The following CFAP299 variants were observed in gnomAD, a reference collection of about 807,000 sequenced individuals.
The protein encoded by CFAP299 is cilia- and flagella-associated protein 299.
CFAP299 carries 21 observed loss-of-function variants against 27.0 expected under a neutral mutation model. The observed-to-expected ratio is 0.78, with a 90% confidence interval of 0.55 to 1.12. The LOEUF is 1.12. Ranked by LOEUF, CFAP299 falls within the 50% of genes most tolerant of loss-of-function variation. The pLI is 0.00. For synonymous variants in CFAP299, 104 were observed against 98.1 expected, an observed-to-expected ratio of 1.06 and a Z score of -0.36; for missense variants, 310 against 276.6, an observed-to-expected ratio of 1.12 and a Z score of -0.86.
chr4:80,760,675 A>G (rs971398338), intron 3 of CFAP299, among the ~76,000 whole-genome samples: 5 of 152,224 alleles, frequency 3.3e-5, no homozygotes, highest in African/African-American at 4.8e-5. Flanking sequence ...TGAAGATACA[A>G]TTCTAAACAA....
intron 3 of CFAP299, among the ~76,000 whole-genome samples, chr4:80,659,341 G>GA (rs529733252): frequency 3.2e-4 from 47 of 147,674 alleles, no homozygotes; most frequent in South Asian, 1.1e-3. Flanking sequence ...CAAAATCAAT[G>GA]AAAAAAAAAC....
intron 3 of CFAP299, among the ~76,000 whole-genome samples, chr4:80,829,586 A>T (rs980074657): frequency 2.0e-5 from 3 of 152,116 alleles, no homozygotes; most frequent in African/African-American, 7.2e-5. Context: ...TATGTAAGTA[A>T]TATAATTGAA....
chr4:80,610,007 T>C (rs1032116852), intron 3 of CFAP299, among the ~76,000 whole-genome samples: 1 of 152,102 alleles, frequency 6.6e-6, no homozygotes, highest in Non-Finnish European at 1.5e-5. Flanking sequence ...CCACAGGATG[T>C]TTTTAAAGAC....
chr4:80,408,593 C>G (rs1050575260), intron 2 of CFAP299, among the ~76,000 whole-genome samples: 3 of 151,158 alleles, frequency 2.0e-5, no homozygotes, highest in East Asian at 3.9e-4. Context: ...ATTTAAGGTG[C>G]CTTTGACAGT....
chr4:80,374,530 AG>A lies in CFAP299; in HGVS notation c.242+11647del, dbSNP rs530991699. 2.6e-3 allele frequency among the ~76,000 whole-genome samples: 393 copies of A among 152,264 alleles called. 4 individuals are homozygous for A. The highest frequency in any genetic ancestry group is 9.1e-3 in the African/African-American group (379 of 41,542). On this transcript the variant is annotated intron_variant, in intron 2 of 5. Transcript: ENST00000358105. ...AGTGGGCTACTTCTTCAGGCTCAGA[AG>A]ATTTAGAGATCTGGAAAGGTCAAAA...
intron 3 of CFAP299, among the ~76,000 whole-genome samples, chr4:80,689,869 CA>C (rs1055932042): frequency 2.8e-4 from 43 of 150,914 alleles, no homozygotes; most frequent in African/African-American, 1.0e-3. Context: ...AAATGGAAAA[CA>C]AAAAAAGGCA....
chr4:80,886,783 G>T (rs1462596189), intron 4 of CFAP299, among the ~76,000 whole-genome samples: 2 of 152,118 alleles, frequency 1.3e-5, no homozygotes, highest in Non-Finnish European at 2.9e-5. Flanking sequence ...CTTTCAGACA[G>T]ATAGTTCAAA....
At chr4:80,863,689 T>C (rs752328706) in intron 3 of CFAP299, among the ~76,000 whole-genome samples, 1 of 152,214 alleles carries the variant, frequency 6.6e-6, no homozygotes, top group Non-Finnish European at 1.5e-5. Context: ...TAGATCCGTA[T>C]TCATGGCTTC....
chr4:80,945,102 G>A, intron 5 of CFAP299, among the ~76,000 whole-genome samples, 163 bp downstream of exon 5: 1 of 152,296 alleles, frequency 6.6e-6, no homozygotes, highest in South Asian at 2.1e-4. Flanking sequence ...AAAAAACACT[G>A]CATAGCTTCA....
At chr4:80,628,566 GT>G (rs1174022389) in intron 3 of CFAP299, among the ~76,000 whole-genome samples, 1 of 152,044 alleles carries the variant, frequency 6.6e-6, no homozygotes, top group African/African-American at 2.4e-5. Flanking sequence ...GGAAGAAAAT[GT>G]TTGCAAACTG....
chr4:80,858,604 T>C (rs1209797302), intron 3 of CFAP299, among the ~76,000 whole-genome samples: 4 of 152,202 alleles, frequency 2.6e-5, no homozygotes, highest in Non-Finnish European at 5.9e-5. Flanking sequence ...TTCTGGTATG[T>C]TGTGTCTTTG....
At chr4:80,529,521 G>C (rs776704655) in intron 2 of CFAP299, among the ~76,000 whole-genome samples, 1 of 152,120 alleles carries the variant, frequency 6.6e-6, no homozygotes. Context: ...GGTAAAGTTA[G>C]TTGGCTTTTT....
At chr4:80,419,990 T>A (rs1449175974) in intron 2 of CFAP299, among the ~76,000 whole-genome samples, 1 of 151,992 alleles carries the variant, frequency 6.6e-6, no homozygotes, top group Non-Finnish European at 1.5e-5. Flanking sequence ...CACAAAGTGA[T>A]TATCACCTCC....
chr4:80,909,762 G>T (rs1234000005), intron 4 of CFAP299, among the ~76,000 whole-genome samples: 1 of 151,822 alleles, frequency 6.6e-6, no homozygotes, highest in African/African-American at 2.4e-5. Flanking sequence ...TAAAATATAT[G>T]ATTTTAAAAA....
intron 3 of CFAP299, among the ~76,000 whole-genome samples, chr4:80,750,070 T>C (rs540042368): frequency 2.0e-5 from 3 of 152,204 alleles, no homozygotes; most frequent in Non-Finnish European, 4.4e-5. Flanking sequence ...TTCCAAACTA[T>C]GACACAGGCC....
intron 2 of CFAP299, among the ~76,000 whole-genome samples, chr4:80,435,146 A>G (rs1728002864): frequency 6.6e-6 from 1 of 152,210 alleles, no homozygotes; most frequent in Non-Finnish European, 1.5e-5. Flanking sequence ...ACTTCAAACC[A>G]AAGGAATTAT....
chr4:80,891,945 A>G (rs985303366), intron 4 of CFAP299, among the ~76,000 whole-genome samples: 2 of 151,792 alleles, frequency 1.3e-5, no homozygotes, highest in African/African-American at 4.8e-5. Context: ...AAAGCAATCT[A>G]CAGAATCAAT....
At chr4:80,742,322 G>GA (rs1257810677) in intron 3 of CFAP299, among the ~76,000 whole-genome samples, 19 of 152,026 alleles carry the variant, frequency 1.2e-4, no homozygotes, top group African/African-American at 4.3e-4. Context: ...CATTCTTATA[G>GA]AAAAAACAAG....
intron 3 of CFAP299, among the ~76,000 whole-genome samples, chr4:80,665,894 G>T (rs904730630): frequency 1.3e-5 from 2 of 151,832 alleles, no homozygotes; most frequent in African/African-American, 2.4e-5. Context: ...TCTCCCCCTT[G>T]GTCCTGCTCC....
Sources: allele counts gnomAD v4.1 joint callset (sites outside exome capture counted in the v4.1 genomes callset), GRCh38; gene constraint gnomAD v4.1.1; transcripts MANE v1.5; gene names NCBI Gene and HGNC (gene_info 2026-07-23, HGNC 2026-07-21).